Variants in ANO4 observed in about 807,000 individuals in gnomAD.
ANO4 encodes anoctamin 4.
A neutral mutation model predicts 141.9 loss-of-function variants in ANO4; 69 were observed. The observed-to-expected ratio is 0.49, with a 90% confidence interval of 0.40 to 0.59. ANO4 has a LOEUF of 0.59. ANO4 is among the 20% of genes least tolerant of loss of function. The probability of loss-of-function intolerance (pLI) is 0.00; values close to 1 mark genes in which losing one functional copy is unlikely to be tolerated. For missense variants in ANO4, 894 were observed against 1,162.2 expected (o/e 0.77, Z 3.36); for synonymous variants, 350 against 394.3 (o/e 0.89, Z 1.33).
chr12:100,730,304 T>A lies in ANO4; in HGVS notation c.23-3470T>A, dbSNP rs199510639. On this transcript the variant is annotated intron_variant, in intron 1 of 29. Coordinates refer to the ANO4 transcript ENST00000644049. ...CTGATTTATTTTTTTAAACCGTACC[T>A]CCTCCCCTGCCCCCCAAGAGTGAGA... 5.1e-3 allele frequency among the ~76,000 whole-genome samples: 762 copies of A among 149,142 alleles called. 23 individuals carry two copies. In the East Asian group the frequency reaches 0.077, roughly 15 times the overall value.
intron 9 of ANO4, among the ~76,000 whole-genome samples, chr12:101,036,390 T>C (rs915675003): frequency 1.3e-5 from 2 of 152,222 alleles, no homozygotes; most frequent in Non-Finnish European, 2.9e-5. Context: ...AAGAGATATC[T>C]GCACGTCCAT....
At chr12:100,993,415 T>C (rs7297231) in intron 8 of ANO4, among the ~76,000 whole-genome samples, 30,569 of 152,014 alleles carry the variant, frequency 0.2, 3,396 homozygotes, top group Non-Finnish European at 0.25. Flanking sequence ...TGAGGTATTA[T>C]TATTATCACC....
intron 1 of ANO4, among the ~76,000 whole-genome samples, chr12:100,891,815 T>C (rs1357916493): frequency 2.6e-5 from 4 of 152,168 alleles, no homozygotes; most frequent in Admixed American, 2.6e-4. Flanking sequence ...AATACATTAT[T>C]ATTAAGTATA....
rs139348899 is a variant in ANO4, at chr12:101,102,132, A to ATC, written c.2149+2412_2149+2413insTC. Among the ~76,000 whole-genome samples the ATC allele has an allele frequency of 1.0e-3, 155 of 152,322 alleles. 2 individuals are homozygous for ATC. The East Asian group carries it at 0.022, about 21-fold the overall frequency. On this transcript the variant is annotated intron_variant, in intron 22 of 27. Transcript: ENST00000392977. ...TTTATCCATCCATTCTACTGCTGATAGACACTTGTGTTGTTTCCAAATTTA... is the reference window on the plus strand; with the variant it reads ...TTTATCCATCCATTCTACTGCTGATATCGACACTTGTGTTGTTTCCAAATTTA...
intron 2 of ANO4, among the ~76,000 whole-genome samples, chr12:100,919,761 T>G (rs1427755443): frequency 1.3e-5 from 2 of 151,258 alleles, no homozygotes; most frequent in African/African-American, 4.9e-5. Context: ...TCTATCTATC[T>G]ATCTATCTAT....
intron 2 of ANO4, among the ~76,000 whole-genome samples, chr12:100,902,931 T>C (rs2040663865): frequency 6.6e-6 from 1 of 152,160 alleles, no homozygotes; most frequent in South Asian, 2.1e-4. Context: ...TTTTCATCTC[T>C]TTCACCCTTC....
chr12:100,963,619 G>A (rs2043521104), intron 5 of ANO4, among the ~76,000 whole-genome samples: 1 of 151,992 alleles, frequency 6.6e-6, no homozygotes, highest in African/African-American at 2.4e-5. Context: ...AAGAATAACA[G>A]ATGCAAAAAA....
rs1465256671 is a variant in ANO4, at chr12:101,104,635, A to G, written c.2149+4915A>G. Among the ~76,000 whole-genome samples the G allele has an allele frequency of 8.6e-3, 466 of 54,326 alleles. 6 individuals are homozygous for G. Among genetic ancestry groups the G allele is most frequent in the African/African-American group, 0.05 (241 of 4,784 alleles). The allele number at this position is 54,326 out of a possible 152,430, so 35.6% of individuals were successfully genotyped here. A position where few individuals can be genotyped will look rare whatever the true frequency, so the allele number is the denominator to read the frequency against. On this transcript the variant is annotated intron_variant, in intron 22 of 27. Coordinates refer to ENST00000392977, the MANE Select transcript of ANO4 (RefSeq NM_001286615.2). ...TGTGTGTATGTATGTGTGTATATAT[A>G]TATATATATATATATATATATATAT...
At chr12:100,957,966 CCAAAGTGA>C (rs1367584443) in intron 5 of ANO4, among the ~76,000 whole-genome samples, 1 of 152,190 alleles carries the variant, frequency 6.6e-6, no homozygotes, top group Non-Finnish European at 1.5e-5. Flanking sequence ...CTTCAGCCTC[CCAAAGTGA>C]CAGAATTACA....
intron 3 of ANO4, among the ~76,000 whole-genome samples, chr12:100,778,381 C>G (rs1482685156): frequency 6.6e-6 from 1 of 152,108 alleles, no homozygotes; most frequent in Non-Finnish European, 1.5e-5. Context: ...GTAAGGTAGA[C>G]AAGTATAATT....
chr12:100,891,012 T>C (rs536019688), intron 1 of ANO4, among the ~76,000 whole-genome samples: 1 of 152,348 alleles, frequency 6.6e-6, no homozygotes, highest in Admixed American at 6.5e-5. Context: ...TTTTGCCTTT[T>C]CTAGAATGCC....
intron 5 of ANO4, among the ~76,000 whole-genome samples, chr12:100,961,400 A>T (rs1331663187): frequency 2.6e-5 from 4 of 152,186 alleles, no homozygotes; most frequent in African/African-American, 9.7e-5. Context: ...TGGGCTGGGC[A>T]CAGAAGTGTT....
intron 14 of ANO4, among the ~76,000 whole-genome samples, chr12:101,076,023 G>C (rs1421249534): frequency 1.3e-5 from 2 of 152,216 alleles, no homozygotes; most frequent in East Asian, 3.9e-4. Flanking sequence ...ACCGACAAGG[G>C]AATGGCAGTT....
chr12:100,927,694 C>T (rs1433312816), intron 3 of ANO4, among the ~76,000 whole-genome samples: 1 of 152,074 alleles, frequency 6.6e-6, no homozygotes, highest in East Asian at 1.9e-4. Flanking sequence ...AAATTATTTT[C>T]AATGTCCAGC....
chr12:100,825,220 G>T (rs201945928), intron 1 of ANO4, among the ~76,000 whole-genome samples: 1 of 151,934 alleles, frequency 6.6e-6, no homozygotes, highest in Non-Finnish European at 1.5e-5. Flanking sequence ...TTAATAATTA[G>T]TTTGACAATC....
chr12:100,878,042 A>G (rs902357000), intron 1 of ANO4, among the ~76,000 whole-genome samples: 12 of 152,048 alleles, frequency 7.9e-5, no homozygotes, highest in Non-Finnish European at 1.5e-5. Context: ...TTTTCCTACT[A>G]GCATTATCTA....
chr12:100,727,543 C>G (rs1366006972), intron 1 of ANO4, among the ~76,000 whole-genome samples: 2 of 152,014 alleles, frequency 1.3e-5, no homozygotes, highest in East Asian at 3.9e-4. Flanking sequence ...ATTTTACTTT[C>G]AACATTTGTG....
At chr12:100,973,320 T>C (rs1179740206) in intron 6 of ANO4, among the ~76,000 whole-genome samples, 2 of 152,220 alleles carry the variant, frequency 1.3e-5, no homozygotes, top group African/African-American at 4.8e-5. Flanking sequence ...CAACAAAATG[T>C]ACAAACATCA....
At chr12:100,839,884 T>C (rs2037145340) in intron 1 of ANO4, among the ~76,000 whole-genome samples, 1 of 152,146 alleles carries the variant, frequency 6.6e-6, no homozygotes, top group Non-Finnish European at 1.5e-5. Flanking sequence ...GAAGTCTGAG[T>C]AATGTCTTAC....
Sources: allele counts gnomAD v4.1 joint callset (sites outside exome capture counted in the v4.1 genomes callset), GRCh38; gene constraint gnomAD v4.1.1; transcripts MANE v1.5; gene names NCBI Gene and HGNC (gene_info 2026-07-23, HGNC 2026-07-21).